BRD10: variants seen among roughly 807,000 people sequenced by gnomAD.
BRD10 encodes the protein uncharacterized bromodomain-containing protein 10.
At chr9:5,951,205 T>C in the BRD10 span, among the ~76,000 whole-genome samples, 1 of 152,006 alleles carries the variant, frequency 6.6e-6, no homozygotes, top group African/African-American at 2.4e-5. Context: ...TATATAAACA[T>C]GGATTCTTTC....
chr9:5,906,831 A>T, the BRD10 span: 1 of 1,196,910 alleles, frequency 8.4e-7, no homozygotes, highest in African/African-American at 1.6e-5. Flanking sequence ...TCTTTTCTTT[A>T]ATGGATTCAG....
chr9:5,975,844 T>C, the BRD10 span, among the ~76,000 whole-genome samples: 1 of 152,122 alleles, frequency 6.6e-6, no homozygotes, highest in Non-Finnish European at 1.5e-5. Flanking sequence ...ACAGTAATAA[T>C]GGTTAGTTTG....
chr9:5,984,100 A>C, the BRD10 span, among the ~76,000 whole-genome samples: 1 of 152,144 alleles, frequency 6.6e-6, no homozygotes, highest in African/African-American at 2.4e-5. Flanking sequence ...ATATTACAAG[A>C]AATGCTAAAA....
the BRD10 span, chr9:5,923,360 A>G: frequency 7.6e-7 from 1 of 1,318,164 alleles, no homozygotes. Flanking sequence ...GCAACTAAAT[A>G]GTAATAACAT....
At chr9:5,888,289 G>A in the BRD10 span, among the ~76,000 whole-genome samples, 2 of 152,182 alleles carry the variant, frequency 1.3e-5, no homozygotes. Flanking sequence ...CAGCTCTGGG[G>A]TCAATTATTA....
At chr9:5,927,743 T>C in the BRD10 span, among the ~76,000 whole-genome samples, 1 of 152,216 alleles carries the variant, frequency 6.6e-6, no homozygotes, top group Non-Finnish European at 1.5e-5. Flanking sequence ...ACTATCTTCC[T>C]GTTTTACTGA....
At chr9:5,973,488 C>A in the BRD10 span, among the ~76,000 whole-genome samples, 2 of 152,160 alleles carry the variant, frequency 1.3e-5, no homozygotes, top group East Asian at 3.9e-4. Context: ...CTAATACTAA[C>A]ATAAAATAAA....
chr9:5,989,233 A>AT, the BRD10 span, among the ~76,000 whole-genome samples: 1 of 46,124 alleles, frequency 2.2e-5, no homozygotes, highest in Non-Finnish European at 5.6e-5. Context: ...ACTCTGTCTC[A>AT]TTAAAAAAAA....
At chr9:5,920,811 G>A in the BRD10 span, 1 of 1,613,992 alleles carries the variant, frequency 6.2e-7, no homozygotes, top group Non-Finnish European at 8.5e-7. Flanking sequence ...GACACTACTG[G>A]TTGTGTAGTT....
At chr9:5,925,706 AG>A in the BRD10 span, among the ~76,000 whole-genome samples, 1 of 152,220 alleles carries the variant, frequency 6.6e-6, no homozygotes, top group African/African-American at 2.4e-5. Flanking sequence ...AATTATGCCT[AG>A]GAAAACAAAG....
At chr9:5,921,391 C>T in the BRD10 span, 3 of 1,613,892 alleles carry the variant, frequency 1.9e-6, no homozygotes, top group Non-Finnish European at 2.5e-6. Context: ...ATGCTTTATG[C>T]AATGGAGGAG....
At chr9:5,922,631 T>C in the BRD10 span, 1 of 1,613,988 alleles carries the variant, frequency 6.2e-7, no homozygotes, top group Admixed American at 1.7e-5. Flanking sequence ...TGGCACTTCT[T>C]TTGCAACTGC....
chr9:6,007,281 G>A, the BRD10 span: 1 of 1,613,908 alleles, frequency 6.2e-7, no homozygotes, highest in Non-Finnish European at 8.5e-7. Flanking sequence ...CGTGCAGGCG[G>A]TAGCACGTCT....
chr9:5,942,926 G>A, the BRD10 span, among the ~76,000 whole-genome samples: 3 of 152,090 alleles, frequency 2.0e-5, no homozygotes, highest in African/African-American at 4.8e-5. Context: ...TGCCCAGGAT[G>A]GAACGCAGTG....
chr9:5,916,485 ATG>A, the BRD10 span, among the ~76,000 whole-genome samples: 3 of 150,474 alleles, frequency 2.0e-5, no homozygotes, highest in Non-Finnish European at 3.0e-5. Context: ...TTACACATGT[ATG>A]TGTGTATATA....
the BRD10 span, among the ~76,000 whole-genome samples, chr9:5,992,696 C>T: frequency 3.0e-5 from 4 of 134,380 alleles, no homozygotes; most frequent in African/African-American, 1.1e-4. Flanking sequence ...TTGAGTTTTA[C>T]GTTTACTTTC....
At chr9:5,941,191 C>T in the BRD10 span, among the ~76,000 whole-genome samples, 1 of 151,354 alleles carries the variant, frequency 6.6e-6, no homozygotes, top group African/African-American at 2.4e-5. Flanking sequence ...GCAATACTAT[C>T]TAACAAATTT....
chr9:5,917,498 G>C, the BRD10 span, among the ~76,000 whole-genome samples: 1 of 152,220 alleles, frequency 6.6e-6, no homozygotes, highest in Non-Finnish European at 1.5e-5. Flanking sequence ...AGATCACACA[G>C]AGCTATGAAG....
chr9:5,919,358 G>A, the BRD10 span: 1 of 191,932 alleles, frequency 5.2e-6, no homozygotes, highest in African/African-American at 2.3e-5. Flanking sequence ...CAATGTAAAT[G>A]TGCAAAAGGC....
Sources: allele counts gnomAD v4.1 joint callset (sites outside exome capture counted in the v4.1 genomes callset), GRCh38; gene constraint gnomAD v4.1.1; transcripts MANE v1.5; gene names NCBI Gene and HGNC (gene_info 2026-07-23, HGNC 2026-07-21).